PLXDC2: variants seen among roughly 807,000 people sequenced by gnomAD.
PLXDC2 encodes plexin domain containing 2.
In PLXDC2, 40 loss-of-function variants were observed where a neutral mutation model predicts 68.9. The ratio of observed to expected loss-of-function variants is 0.58; its 90% confidence interval spans 0.45 to 0.76. The LOEUF (loss-of-function observed/expected upper bound fraction) is 0.76, where lower values mean the gene tolerates loss of function less well. Ranked by LOEUF, PLXDC2 falls within the 30% of genes least tolerant of loss-of-function variation. PLXDC2 has a pLI of 0.00. For missense variants in PLXDC2, 644 were observed against 661.9 expected, an observed-to-expected ratio of 0.97 and a Z score of 0.30; for synonymous variants, 243 against 234.2, an observed-to-expected ratio of 1.04 and a Z score of -0.34.
chr10:20,001,038 G>T (rs1280261738), intron 1 of PLXDC2, among the ~76,000 whole-genome samples: 1 of 152,196 alleles, frequency 6.6e-6, no homozygotes, highest in Non-Finnish European at 1.5e-5. Flanking sequence ...AGTCCCTGCA[G>T]ATGACTTTAA....
chr10:19,829,150 T>C (rs1446961708), intron 1 of PLXDC2, among the ~76,000 whole-genome samples: 2 of 129,310 alleles, frequency 1.5e-5, no homozygotes, highest in Non-Finnish European at 3.2e-5. Flanking sequence ...GTGCACGCTT[T>C]CCTCTTTTTT....
At chr10:20,217,384 T>C in intron 10 of PLXDC2, 42 bp from the exon 11 acceptor site, 1 of 1,540,878 alleles carries the variant, frequency 6.5e-7, no homozygotes, top group Non-Finnish European at 8.8e-7. Context: ...AAAATAGATT[T>C]GTGATCACTC....
chr10:19,861,675 C>G (rs1027127918), intron 1 of PLXDC2, among the ~76,000 whole-genome samples: 1 of 152,118 alleles, frequency 6.6e-6, no homozygotes, highest in African/African-American at 2.4e-5. Flanking sequence ...CTTGCAATTT[C>G]TTTCTCATCT....
At chr10:20,111,738 A>G (rs1833563265) in intron 4 of PLXDC2, among the ~76,000 whole-genome samples, 1 of 152,238 alleles carries the variant, frequency 6.6e-6, no homozygotes, top group African/African-American at 2.4e-5. Flanking sequence ...CTTGTAAGAA[A>G]GTTCATTCTC....
At chr10:20,189,540 TATAC>T (rs1164924221) in intron 9 of PLXDC2, among the ~76,000 whole-genome samples, 23 of 33,544 alleles carry the variant, frequency 6.9e-4, no homozygotes, top group Non-Finnish European at 2.0e-3. Context: ...CACACATATA[TATAC>T]ACACACACAC....
At chr10:20,012,715 C>T (rs1002099595) in intron 2 of PLXDC2, among the ~76,000 whole-genome samples, 4 of 152,100 alleles carry the variant, frequency 2.6e-5, no homozygotes, top group African/African-American at 9.7e-5. Flanking sequence ...ACATGTCACT[C>T]TATGAACTAT....
intron 1 of PLXDC2, among the ~76,000 whole-genome samples, chr10:19,824,123 TGAGAAAGAGAAA>T: frequency 6.6e-6 from 1 of 152,222 alleles, no homozygotes; most frequent in East Asian, 1.9e-4. Context: ...CATGAGAAAA[TGAGAAAGAGAAA>T]GAGACAGAGA....
intron 1 of PLXDC2, among the ~76,000 whole-genome samples, chr10:19,844,315 G>A (rs942869146): frequency 3.3e-5 from 5 of 152,208 alleles, no homozygotes; most frequent in South Asian, 2.1e-4. Context: ...CTATCCCAGC[G>A]GGTACAGAGT....
intron 4 of PLXDC2, among the ~76,000 whole-genome samples, chr10:20,086,956 A>G (rs1411000787): frequency 2.0e-5 from 3 of 152,246 alleles, no homozygotes; most frequent in Admixed American, 2.0e-4. Flanking sequence ...CTAAGGCAAA[A>G]GAACATAGAA....
intron 1 of PLXDC2, among the ~76,000 whole-genome samples, chr10:19,834,028 A>C (rs183346994): frequency 4.6e-5 from 7 of 151,884 alleles, no homozygotes; most frequent in Admixed American, 3.3e-4. Flanking sequence ...TGGGCAATAG[A>C]AGTGGACGTC....
intron 4 of PLXDC2, among the ~76,000 whole-genome samples, chr10:20,134,076 G>A (rs1239546493): frequency 6.6e-6 from 1 of 151,896 alleles, no homozygotes; most frequent in East Asian, 1.9e-4. Flanking sequence ...CATAGTTTCT[G>A]TCTCTTTGTT....
rs144152981 is a variant in PLXDC2, at chr10:20,031,805, A to ATTATTTAT, written c.325-15038_325-15031dup. ...GGACACAATACAGGAAGTTGTTTTT[A>ATTATTTAT]TTATTTATTTATTTATTTATTTATT... On this transcript the variant is annotated intron_variant, in intron 2 of 13. Transcript: ENST00000377252. Among the ~76,000 whole-genome samples the ATTATTTAT allele has an allele frequency of 3.3e-3, 490 of 148,372 alleles. 3 individuals carry two copies. The highest frequency in any genetic ancestry group is 0.014 in the Middle Eastern group (4 of 284).
intron 4 of PLXDC2, among the ~76,000 whole-genome samples, chr10:20,093,781 T>G (rs1833312586): frequency 6.6e-6 from 1 of 152,136 alleles, no homozygotes; most frequent in Admixed American, 6.5e-5. Context: ...TCAAGGGATC[T>G]TCCCACCATA....
chr10:19,836,431 G>C (rs745417831), intron 1 of PLXDC2, among the ~76,000 whole-genome samples: 1 of 152,088 alleles, frequency 6.6e-6, no homozygotes, highest in Non-Finnish European at 1.5e-5. Context: ...CTTTAAAAAG[G>C]CTTTCTTTTA....
chr10:19,906,752 T>C (rs1833168639), intron 1 of PLXDC2, among the ~76,000 whole-genome samples: 1 of 152,040 alleles, frequency 6.6e-6, no homozygotes, highest in Non-Finnish European at 1.5e-5. Context: ...CTTAATGCTG[T>C]GTACGTGTGT....
chr10:20,197,240 G>A (rs1227299764), intron 9 of PLXDC2, among the ~76,000 whole-genome samples: 1 of 152,104 alleles, frequency 6.6e-6, no homozygotes, highest in Non-Finnish European at 1.5e-5. Flanking sequence ...TTTCATTCAT[G>A]TATACATAAT....
chr10:19,979,308 C>A (rs1253251651), intron 1 of PLXDC2, among the ~76,000 whole-genome samples: 1 of 151,904 alleles, frequency 6.6e-6, no homozygotes, highest in Non-Finnish European at 1.5e-5. Flanking sequence ...TAAATAGTTT[C>A]AAAATAATCT....
intron 1 of PLXDC2, among the ~76,000 whole-genome samples, chr10:19,938,466 G>A (rs1042669619): frequency 1.3e-5 from 2 of 152,148 alleles, no homozygotes; most frequent in African/African-American, 2.4e-5. Context: ...AGGCAAAGTG[G>A]GAGCAGACAT....
At chr10:20,069,638 G>C (rs1836282327) in intron 4 of PLXDC2, among the ~76,000 whole-genome samples, 1 of 152,116 alleles carries the variant, frequency 6.6e-6, no homozygotes, top group African/African-American at 2.4e-5. Context: ...CTGGCTGACA[G>C]AGCAAGACTC....
Sources: gnomAD v4.1 joint callset for allele counts (sites outside exome capture counted in the v4.1 genomes callset) on GRCh38, gnomAD v4.1.1 for gene constraint, MANE v1.5 for transcripts, NCBI Gene and HGNC (gene_info 2026-07-23, HGNC 2026-07-21) for gene names.